Variants in DLGAP2 observed in about 807,000 individuals in gnomAD.
DLGAP2 encodes disks large-associated protein 2.
Under a neutral mutation model 100.3 loss-of-function variants are expected in DLGAP2, and 26 were observed. The ratio of observed to expected loss-of-function variants is 0.26; its 90% confidence interval spans 0.19 to 0.36. DLGAP2 has a LOEUF of 0.36. Ranked by LOEUF, DLGAP2 falls within the 10% of genes least tolerant of loss-of-function variation. The pLI is 1.00. For synonymous variants in DLGAP2, 886 were observed against 630.1 expected (o/e 1.41, Z -6.08); for missense variants, 1,858 against 1,453.2 (o/e 1.28, Z -4.53).
intron 2 of DLGAP2, among the ~76,000 whole-genome samples, chr8:1,118,855 C>G (rs1795963900): frequency 6.6e-6 from 1 of 152,096 alleles, no homozygotes; most frequent in African/African-American, 2.4e-5. Flanking sequence ...AATTTGTTTC[C>G]TCGAAATGAC....
At chr8:1,613,481 A>G (rs1797047960) in intron 6 of DLGAP2, among the ~76,000 whole-genome samples, 1 of 151,870 alleles carries the variant, frequency 6.6e-6, no homozygotes, top group Admixed American at 6.6e-5. Flanking sequence ...AGCATGGCAC[A>G]TGTATACATA....
Position 1,170,021 on chromosome 8 carries a change from G to C in DLGAP2, c.74-88830G>C, listed in dbSNP as rs1222137722. ...TCAGTATGATATTGGCTGTGGGTTTGTCATAGATAGCTCTTATTATTTTGA... is the reference window on the plus strand; with the variant it reads ...TCAGTATGATATTGGCTGTGGGTTTCTCATAGATAGCTCTTATTATTTTGA... On this transcript the variant is annotated intron_variant, in intron 2 of 14. Transcript: ENST00000637795. 3.3e-5 allele frequency among the ~76,000 whole-genome samples: 5 copies of C among 151,790 alleles called. No homozygotes were observed. The South Asian group carries it at 1.0e-3, about 32-fold the overall frequency.
chr8:773,871 G>A (rs1821437630), intron 1 of DLGAP2, among the ~76,000 whole-genome samples: 1 of 152,074 alleles, frequency 6.6e-6, no homozygotes, highest in Admixed American at 6.5e-5. Context: ...CCAGTAATGG[G>A]ATGGCTGGGT....
At chr8:1,197,531 A>G (rs1267907231) in intron 2 of DLGAP2, among the ~76,000 whole-genome samples, 1 of 152,234 alleles carries the variant, frequency 6.6e-6, no homozygotes, top group Non-Finnish European at 1.5e-5. Context: ...CCAGCTGTCT[A>G]CATAAACCTG....
At position 1,683,959 on chromosome 8, in the gene DLGAP2, T is replaced by C. The variant is rs1223381006; in HGVS notation, c.2704+5330T>C. Among the ~76,000 whole-genome samples, 2 of 9,394 alleles carry C rather than the reference T, an allele frequency of 2.1e-4. 1 individual carries two copies. Among genetic ancestry groups the C allele is most frequent in the African/African-American group, 5.8e-4 (2 of 3,472 alleles). The allele number at this position is 9,394 out of a possible 152,430, so 6.2% of individuals were successfully genotyped here. ...ATGTGTATATATATATGTGTGTATA[T>C]ATATATATATATATATATATATATA... is the stretch of plus-strand genomic sequence containing the variant. On this transcript the variant is annotated intron_variant, in intron 12 of 14. Transcript: ENST00000637795.
intron 2 of DLGAP2, among the ~76,000 whole-genome samples, chr8:1,085,752 G>GT (rs907001215): frequency 6.6e-6 from 1 of 152,086 alleles, no homozygotes; most frequent in Non-Finnish European, 1.5e-5. Context: ...TATATTTGAG[G>GT]TTTTTTGTGG....
chr8:1,698,479 A>C (rs565654066), intron 14 of DLGAP2, among the ~76,000 whole-genome samples: 413 of 146,856 alleles, frequency 2.8e-3, no homozygotes, highest in African/African-American at 0.011. Flanking sequence ...CACGTAAGCC[A>C]TGCGTGGGAC....
At chr8:1,335,886 C>T (rs1462186117) in intron 3 of DLGAP2, among the ~76,000 whole-genome samples, 9 of 151,650 alleles carry the variant, frequency 5.9e-5, no homozygotes, top group Middle Eastern at 3.4e-3. Context: ...GCCGGGGCTG[C>T]GCGTGGTGAC....
chr8:1,472,011 G>T (rs1798815354), intron 3 of DLGAP2, among the ~76,000 whole-genome samples: 1 of 152,194 alleles, frequency 6.6e-6, no homozygotes, highest in Non-Finnish European at 1.5e-5. Flanking sequence ...TCTGTGCCAG[G>T]CACTACGTTA....
intron 1 of DLGAP2, among the ~76,000 whole-genome samples, chr8:791,540 A>G (rs1190639929): frequency 6.6e-6 from 1 of 152,230 alleles, no homozygotes; most frequent in Non-Finnish European, 1.5e-5. Context: ...TATGAAACAA[A>G]GCATACTGTA....
At chr8:1,068,212 A>G (rs1364732868) in intron 2 of DLGAP2, among the ~76,000 whole-genome samples, 2 of 152,292 alleles carry the variant, frequency 1.3e-5, no homozygotes, top group Non-Finnish European at 2.9e-5. Context: ...TATGAGGGGC[A>G]TCTCAGTTGC....
At chr8:840,921 A>G (rs1030614303) in intron 1 of DLGAP2, among the ~76,000 whole-genome samples, 1 of 152,132 alleles carries the variant, frequency 6.6e-6, no homozygotes, top group African/African-American at 2.4e-5. Flanking sequence ...GTTTGGCAGG[A>G]CTCAGCAGTG....
chr8:1,459,984 G>T (rs998559615), intron 3 of DLGAP2, among the ~76,000 whole-genome samples: 6 of 152,160 alleles, frequency 3.9e-5, no homozygotes, highest in Admixed American at 3.3e-4. Flanking sequence ...GGGACCTCGG[G>T]TGTTTTTATG....
chr8:882,224 T>G (rs992953195), intron 1 of DLGAP2, among the ~76,000 whole-genome samples: 2 of 139,638 alleles, frequency 1.4e-5, no homozygotes, highest in African/African-American at 2.6e-5. Flanking sequence ...CTAATTTAGT[T>G]AGCACATCAT....
chr8:771,368 G>C (rs991521660), intron 1 of DLGAP2, among the ~76,000 whole-genome samples: 3 of 152,186 alleles, frequency 2.0e-5, no homozygotes, highest in African/African-American at 4.8e-5. Flanking sequence ...AGAGTTATTA[G>C]GTAGATCTCC....
intron 2 of DLGAP2, among the ~76,000 whole-genome samples, chr8:1,112,721 A>G (rs967404491): frequency 3.9e-5 from 6 of 152,324 alleles, no homozygotes; most frequent in South Asian, 2.1e-4. Flanking sequence ...CTTAAGTTTA[A>G]TTGGATCCCA....
intron 2 of DLGAP2, among the ~76,000 whole-genome samples, chr8:914,074 A>C (rs1005966140): frequency 6.6e-6 from 1 of 152,264 alleles, no homozygotes; most frequent in Non-Finnish European, 1.5e-5. Context: ...AAGATCAAAT[A>C]CTTCAAGTAA....
intron 2 of DLGAP2, among the ~76,000 whole-genome samples, chr8:1,209,054 A>T (rs1245631783): frequency 6.6e-6 from 1 of 152,190 alleles, no homozygotes; most frequent in East Asian, 1.9e-4. Context: ...TAGAATTAAT[A>T]TTGTTAAAAT....
intron 7 of DLGAP2, among the ~76,000 whole-genome samples, chr8:1,631,002 C>T (rs6993761): frequency 2.5e-5 from 2 of 79,712 alleles, no homozygotes; most frequent in African/African-American, 7.1e-5. Flanking sequence ...CCGAGGGTCT[C>T]GGCGGGAGGT....
Sources: allele counts gnomAD v4.1 joint callset (sites outside exome capture counted in the v4.1 genomes callset), GRCh38; gene constraint gnomAD v4.1.1; transcripts MANE v1.5; gene names NCBI Gene and HGNC (gene_info 2026-07-23, HGNC 2026-07-21).